Variants in WDR47 observed in about 807,000 individuals in gnomAD.
WDR47 encodes the protein WD repeat-containing protein 47.
WDR47 carries 32 observed loss-of-function variants against 97.2 expected under a neutral mutation model. That is an observed-to-expected ratio of 0.33 (90% confidence interval 0.25 to 0.44). The LOEUF (loss-of-function observed/expected upper bound fraction) is 0.44, where lower values mean the gene tolerates loss of function less well. WDR47 is among the 20% of genes least tolerant of loss of function. The pLI is 1.00. For missense variants in WDR47, 782 were observed against 1,102.3 expected (o/e 0.71, Z 4.11); for synonymous variants, 375 against 373.5 (o/e 1.00, Z -0.05).
At chr1:108,981,354 A>T (rs1396806962) in intron 13 of WDR47, among the ~76,000 whole-genome samples, 3 of 152,306 alleles carry the variant, frequency 2.0e-5, no homozygotes, top group South Asian at 4.1e-4. Flanking sequence ...ATAAATAAGA[A>T]ATTGGTCCTT....
In WDR47 at chr1:108,995,816, T is replaced by C. The variant is rs143316105; in HGVS notation, c.1455A>G (p.Glu485=). 3 of 1,613,954 alleles carry C rather than the reference T, an allele frequency of 1.9e-6. No individual in the cohort carries two copies. In the African/African-American group the frequency reaches 4.0e-5, roughly 22 times the overall value. Reference sequence around the variant, plus strand: ...CAAGGCCATCCATTCCAATATTTAATTCACCAAGCTTTTGAATGGACCTAT... The same window carrying C: ...CAAGGCCATCCATTCCAATATTTAACTCACCAAGCTTTTGAATGGACCTAT... ...FLNRSIQKLG[E]LNIGMDGLGN... Residue 485 remains glutamate, a synonymous_variant, in exon 8 of 15, where the codon GAA becomes GAG. Coordinates refer to ENST00000369962, the MANE Select transcript of WDR47 (RefSeq NM_001142551.2).
chr1:109,028,362 G>GTATTTT (rs1662360915), intron 1 of WDR47, among the ~76,000 whole-genome samples: 1 of 79,788 alleles, frequency 1.3e-5, no homozygotes. Context: ...TTTTTGTTGG[G>GTATTTT]TTTTTTTTTT....
At position 109,004,596 on chromosome 1, in the gene WDR47, T is replaced by A; in HGVS notation, c.1250A>T (p.Asn417Ile). 4.3e-6 allele frequency: 7 copies of A among 1,610,114 alleles called. No homozygotes were observed. Among genetic ancestry groups the A allele is most frequent in the Non-Finnish European group, 5.9e-6 (7 of 1,178,602 alleles). The stretch of plus-strand genomic sequence containing the variant: ...ACTAGGTTTAGTAAATATTACCTCA[T>A]TTTTTTCTTGTTTAGCTGGTCCTGG... ...QNPGPAKQEK[N>I]ELRDSTEQFQ... The change falls in exon 6 of 15, where the codon AAT (asparagine) becomes ATT (isoleucine). Residue 417 changes from asparagine (N) to isoleucine (I), a missense_variant. By Grantham distance (149) the Asn-to-Ile change is moderately radical. Transcript: ENST00000369962.
chr1:109,002,455 T>C (rs1002361705), intron 6 of WDR47, 53 bp from the exon 7 acceptor site: 29 of 1,336,262 alleles, frequency 2.2e-5, no homozygotes, highest in Non-Finnish European at 2.9e-5. Context: ...TGACAGAATA[T>C]ATCTTAACAG....
chr1:109,005,285 G>A (rs1037809044), intron 5 of WDR47, among the ~76,000 whole-genome samples: 5 of 151,996 alleles, frequency 3.3e-5, no homozygotes, highest in South Asian at 2.1e-4. Flanking sequence ...GTGGTGGGGC[G>A]CCTGTGGTCC....
chr1:108,999,336 C>G (rs1377953590), intron 7 of WDR47, among the ~76,000 whole-genome samples: 1 of 151,834 alleles, frequency 6.6e-6, no homozygotes, highest in African/African-American at 2.4e-5. Context: ...ATGGGCCGGG[C>G]ATGGAAGCTC....
At chr1:109,018,472 C>T (rs1352998057) in intron 2 of WDR47, among the ~76,000 whole-genome samples, 1 of 150,744 alleles carries the variant, frequency 6.6e-6, no homozygotes, top group East Asian at 2.0e-4. Flanking sequence ...CTTTAAAGTT[C>T]CTATATTTCC....
intron 7 of WDR47, among the ~76,000 whole-genome samples, chr1:108,999,837 A>G (rs566868980): frequency 4.1e-4 from 62 of 152,294 alleles, no homozygotes; most frequent in African/African-American, 1.5e-3. Flanking sequence ...TCACTGCTAG[A>G]TATCTGCTCT....
intron 1 of WDR47, among the ~76,000 whole-genome samples, chr1:109,032,704 C>G (rs1331957134): frequency 6.6e-6 from 1 of 151,510 alleles, no homozygotes; most frequent in East Asian, 2.0e-4. Context: ...CAAGACCAGC[C>G]TGGCCAACGT....
intron 3 of WDR47, among the ~76,000 whole-genome samples, chr1:109,015,967 A>T (rs1661383865): frequency 7.6e-6 from 1 of 131,562 alleles, no homozygotes; most frequent in African/African-American, 2.9e-5. Context: ...TGGGTGACAG[A>T]GTGAGACTCC....
At position 108,988,240 on chromosome 1, in the gene WDR47, G is replaced by A. The variant is rs560856246; in HGVS notation, c.1768-1560C>T. On this transcript the variant is annotated intron_variant, in intron 9 of 14. Coordinates refer to ENST00000369962, the MANE Select transcript of WDR47 (RefSeq NM_001142551.2). ...GGGGAGATAGGAAGGGGGGAGGGGCGGGGCACCAAGAAGGAAGGAAAGAAT... is the reference window on the plus strand; with the variant it reads ...GGGGAGATAGGAAGGGGGGAGGGGCAGGGCACCAAGAAGGAAGGAAAGAAT... Among the ~76,000 whole-genome samples the A allele has an allele frequency of 7.5e-5, 11 of 146,200 alleles. No homozygotes were observed. In the South Asian group the frequency reaches 1.6e-3, roughly 21 times the overall value.
intron 5 of WDR47, among the ~76,000 whole-genome samples, chr1:109,009,601 T>A (rs762603128): frequency 6.6e-6 from 1 of 152,194 alleles, no homozygotes; most frequent in South Asian, 2.1e-4. Flanking sequence ...GATTAATCAT[T>A]GATATCAAGA....
rs933850072 is a variant in WDR47 at position 109,002,226 on chromosome 1, A to G, written c.1431T>C (p.Asn477=). ...QQQNLTEQFL[N]RSIQKLGELN... ...TAAAAAGTGATTAGAAGACCAACCT[A>G]TTAAGGAACTGTTCAGTAAGATTCT... is the stretch of plus-strand genomic sequence containing the variant. Residue 477 remains asparagine, a splice_region_variant and synonymous_variant, in exon 7 of 15, where the codon AAT becomes AAC. Transcript: ENST00000369962. 6.9e-6 allele frequency: 11 copies of G among 1,582,838 alleles called. No homozygotes were observed. Among genetic ancestry groups the G allele is most frequent in the Non-Finnish European group, 7.7e-6 (9 of 1,171,260 alleles).
chr1:109,004,521 A>G (rs962325322), intron 6 of WDR47, 71 bp downstream of exon 6: 2 of 1,476,872 alleles, frequency 1.4e-6, no homozygotes, highest in Non-Finnish European at 1.8e-6. Context: ...TTCTTTTTAC[A>G]TTCTAAGTAA....
chr1:108,995,679 A>G lies in WDR47; in HGVS notation c.1592T>C (p.Leu531Ser), dbSNP rs1659692252. 1 of 1,614,012 alleles carries G rather than the reference A, an allele frequency of 6.2e-7. No homozygotes were observed. The highest frequency in any genetic ancestry group is 1.1e-5 in the South Asian group (1 of 91,092). The change falls in exon 8 of 15, where the codon TTA becomes TCA. Residue 531 changes from leucine (L) to serine (S), a missense_variant. This residue lies in a region of WDR47 where 126 missense variants were observed against 121.3 expected (regional missense o/e 1.04). Coordinates refer to ENST00000369962, the MANE Select transcript of WDR47 (RefSeq NM_001142551.2). ...TTPPQDSSQR[L>S]THDASNIHTS... Reference sequence around the variant, plus strand: ...ATGAATATTTGAAGCATCATGTGTTAATCTCTGACTAGAGTCTTGGGGTGG... The same window carrying G: ...ATGAATATTTGAAGCATCATGTGTTGATCTCTGACTAGAGTCTTGGGGTGG...
intron 13 of WDR47, among the ~76,000 whole-genome samples, chr1:108,979,404 T>C (rs1025697086): frequency 5.9e-5 from 9 of 152,166 alleles, no homozygotes; most frequent in Non-Finnish European, 1.3e-4. Flanking sequence ...TGTGTGCCTA[T>C]GGTCCCAGCC....
At chr1:108,990,506 G>A (rs1263713639) in intron 9 of WDR47, among the ~76,000 whole-genome samples, 3 of 152,080 alleles carry the variant, frequency 2.0e-5, no homozygotes, top group Non-Finnish European at 4.4e-5. Context: ...ACCATGCCTG[G>A]CCTAATATTT....
In WDR47 at chr1:108,995,693, G is replaced by A. The variant is rs1381386154; in HGVS notation, c.1578C>T (p.Asp526=). 15 of 1,613,996 alleles carry A rather than the reference G, an allele frequency of 9.3e-6. No individual in the cohort carries two copies. Among genetic ancestry groups the A allele is most frequent in the Non-Finnish European group, 1.2e-5 (14 of 1,180,030 alleles). ...SVTSFTTPPQ[D]SSQRLTHDAS... is the part of the protein sequence containing the mutation. ...CATCATGTGTTAATCTCTGACTAGA[G>A]TCTTGGGGTGGTGTAGTAAAACTAG... Residue 526 remains aspartate, a synonymous_variant, in exon 8 of 15, where the codon GAC becomes GAT. Transcript: ENST00000369962.
At chr1:109,007,319 T>C (rs775982978) in intron 5 of WDR47, among the ~76,000 whole-genome samples, 1 of 151,076 alleles carries the variant, frequency 6.6e-6, no homozygotes, top group Non-Finnish European at 1.5e-5. Context: ...CTTCTATATA[T>C]ATAACATTTA....
Sources: allele counts gnomAD v4.1 joint callset (sites outside exome capture counted in the v4.1 genomes callset), GRCh38; gene constraint gnomAD v4.1.1; regional missense constraint gnomAD v4.1.1; transcripts MANE v1.5; gene names NCBI Gene and HGNC (gene_info 2026-07-23, HGNC 2026-07-21).